The following ENTREP2 variants were observed in gnomAD, a reference collection of about 807,000 sequenced individuals.
ENTREP2 encodes protein ENTREP2.
the ENTREP2 span, among the ~76,000 whole-genome samples, chr15:29,589,366 G>A: frequency 1.7e-4 from 26 of 152,254 alleles, no homozygotes; most frequent in Middle Eastern, 3.4e-3. Context: ...TTCTTGGCTC[G>A]TCCAAGTTCC....
the ENTREP2 span, among the ~76,000 whole-genome samples, chr15:29,494,717 C>T: frequency 1.3e-5 from 2 of 152,178 alleles, no homozygotes; most frequent in African/African-American, 2.4e-5. Context: ...TTCTATGAGC[C>T]ACGTTTTTAG....
At chr15:29,385,310 C>A in the ENTREP2 span, among the ~76,000 whole-genome samples, 1 of 152,168 alleles carries the variant, frequency 6.6e-6, no homozygotes, top group Admixed American at 6.5e-5. Context: ...AGGGAGAGTT[C>A]TTGACCTTCC....
chr15:29,640,474 A>G, the ENTREP2 span, among the ~76,000 whole-genome samples: 2 of 152,094 alleles, frequency 1.3e-5, no homozygotes, highest in Non-Finnish European at 1.5e-5. Flanking sequence ...CCTGGGCAAC[A>G]TGGTGAAACC....
the ENTREP2 span, chr15:29,126,199 C>CT: frequency 7.7e-7 from 1 of 1,292,692 alleles, no homozygotes; most frequent in Non-Finnish European, 1.0e-6. Context: ...TCAGGGGTCA[C>CT]TGAGACCTGC....
At chr15:29,458,850 G>A in the ENTREP2 span, among the ~76,000 whole-genome samples, 4 of 152,204 alleles carry the variant, frequency 2.6e-5, no homozygotes, top group Non-Finnish European at 5.9e-5. Context: ...TAATGGGGTA[G>A]TATTTTTTCC....
the ENTREP2 span, among the ~76,000 whole-genome samples, chr15:29,163,363 T>A: frequency 6.6e-6 from 1 of 151,870 alleles, no homozygotes; most frequent in Non-Finnish European, 1.5e-5. Flanking sequence ...ATTAAGCTAA[T>A]CAGGGAGGCA....
chr15:29,293,333 C>A, the ENTREP2 span, among the ~76,000 whole-genome samples: 1 of 152,108 alleles, frequency 6.6e-6, no homozygotes, highest in African/African-American at 2.4e-5. Flanking sequence ...TCACTGCAAG[C>A]TCCACCTCCT....
the ENTREP2 span, among the ~76,000 whole-genome samples, chr15:29,330,686 T>C: frequency 6.6e-6 from 1 of 152,120 alleles, no homozygotes; most frequent in Non-Finnish European, 1.5e-5. Flanking sequence ...GATGGTATCC[T>C]GGGAGAGACA....
chr15:29,185,213 A>G, the ENTREP2 span, among the ~76,000 whole-genome samples: 1 of 151,984 alleles, frequency 6.6e-6, no homozygotes, highest in African/African-American at 2.4e-5. Flanking sequence ...CAAATTGCTC[A>G]GAACAATTGT....
the ENTREP2 span, among the ~76,000 whole-genome samples, chr15:29,614,762 A>C: frequency 6.6e-6 from 1 of 152,224 alleles, no homozygotes; most frequent in Non-Finnish European, 1.5e-5. Flanking sequence ...GGCAGGAAGA[A>C]GTTACTGCAA....
chr15:29,153,519 C>A, the ENTREP2 span, among the ~76,000 whole-genome samples: 1 of 152,202 alleles, frequency 6.6e-6, no homozygotes, highest in African/African-American at 2.4e-5. Flanking sequence ...CATGTGGAAT[C>A]TACCCTCATG....
At chr15:29,563,859 A>ATAAATAAATAAATAAG in the ENTREP2 span, among the ~76,000 whole-genome samples, 1,457 of 151,786 alleles carry the variant, frequency 9.6e-3, 22 homozygotes, top group African/African-American at 0.034. Flanking sequence ...AAATAAATAA[A>ATAAATAAATAAATAAG]TAAATAAGTA....
At chr15:29,393,914 C>T in the ENTREP2 span, among the ~76,000 whole-genome samples, 1 of 152,034 alleles carries the variant, frequency 6.6e-6, no homozygotes, top group African/African-American at 2.4e-5. Flanking sequence ...AAAATGTTAT[C>T]CCAAATTATT....
the ENTREP2 span, among the ~76,000 whole-genome samples, chr15:29,351,112 G>A: frequency 6.6e-6 from 1 of 152,188 alleles, no homozygotes; most frequent in Admixed American, 6.5e-5. Context: ...CTCAGAGAGT[G>A]CACTCGCACT....
At chr15:29,234,521 T>C in the ENTREP2 span, 251,053 of 1,379,294 alleles carry the variant, frequency 0.18, 25,347 homozygotes, top group Middle Eastern at 0.23. Flanking sequence ...AACGGCAAGG[T>C]AATATGGTAT....
At chr15:29,560,584 T>C in the ENTREP2 span, among the ~76,000 whole-genome samples, 2 of 152,042 alleles carry the variant, frequency 1.3e-5, no homozygotes, top group African/African-American at 2.4e-5. Context: ...CCAGGGAGCA[T>C]GGCCACTTCA....
chr15:29,269,391 C>G, the ENTREP2 span: 8 of 1,614,128 alleles, frequency 5.0e-6, no homozygotes, highest in South Asian at 8.8e-5. Context: ...CCCGCTTGAT[C>G]GGAATCTTCT....
chr15:29,510,391 A>C, the ENTREP2 span, among the ~76,000 whole-genome samples: 2 of 152,224 alleles, frequency 1.3e-5, no homozygotes, highest in Non-Finnish European at 2.9e-5. Flanking sequence ...TAGCAATCCC[A>C]TTACTGGGTA....
At chr15:29,359,967 A>G in the ENTREP2 span, among the ~76,000 whole-genome samples, 4 of 152,226 alleles carry the variant, frequency 2.6e-5, no homozygotes, top group East Asian at 7.7e-4. Context: ...AATATTCTTC[A>G]TTAAAAGAGG....
Sources: allele counts gnomAD v4.1 joint callset (sites outside exome capture counted in the v4.1 genomes callset), GRCh38; gene constraint gnomAD v4.1.1; transcripts MANE v1.5; gene names NCBI Gene and HGNC (gene_info 2026-07-23, HGNC 2026-07-21).